Variants in NYAP2 observed in about 807,000 individuals in gnomAD.
NYAP2 encodes the protein neuronal tyrosine-phosphorylated phosphoinositide-3-kinase adapter 2.
A neutral mutation model predicts 50.4 loss-of-function variants in NYAP2; 23 were observed. That is an observed-to-expected ratio of 0.46 (90% CI 0.33 to 0.65). NYAP2 has a LOEUF of 0.65. Ranked by LOEUF, NYAP2 falls within the 30% of genes least tolerant of loss-of-function variation. NYAP2 has a pLI of 0.02. For synonymous variants in NYAP2, 394 were observed against 365.2 expected (o/e 1.08, Z -0.90); for missense variants, 885 against 861.0 (o/e 1.03, Z -0.35).
intron 3 of NYAP2, among the ~76,000 whole-genome samples, chr2:225,445,307 A>G (rs1689535510): frequency 6.6e-6 from 1 of 152,092 alleles, no homozygotes; most frequent in Admixed American, 6.6e-5. Flanking sequence ...TACTTTTCCT[A>G]AAGTTTTTTA....
At chr2:225,429,007 CA>C (rs942716589) in intron 3 of NYAP2, among the ~76,000 whole-genome samples, 6 of 152,056 alleles carry the variant, frequency 3.9e-5, no homozygotes, top group Non-Finnish European at 8.8e-5. Flanking sequence ...TTCCATGAGG[CA>C]GGTTCTATCA....
intron 3 of NYAP2, among the ~76,000 whole-genome samples, chr2:225,452,788 C>T (rs186877401): frequency 6.6e-6 from 1 of 152,270 alleles, no homozygotes; most frequent in African/African-American, 2.4e-5. Flanking sequence ...CACCCCACCA[C>T]ACACATGCAC....
the NYAP2 span, among the ~76,000 whole-genome samples, chr2:225,661,285 AAT>A: frequency 6.6e-6 from 1 of 152,198 alleles, no homozygotes; most frequent in Non-Finnish European, 1.5e-5. Context: ...CAGAATAATA[AAT>A]ATGTCTTTGC....
At chr2:225,435,765 C>G (rs1689365676) in intron 3 of NYAP2, among the ~76,000 whole-genome samples, 1 of 152,170 alleles carries the variant, frequency 6.6e-6, no homozygotes, top group African/African-American at 2.4e-5. Context: ...AATGCAAACA[C>G]AAGCATCCAC....
intron 3 of NYAP2, among the ~76,000 whole-genome samples, chr2:225,498,246 A>C (rs1690541902): frequency 6.6e-6 from 1 of 152,144 alleles, no homozygotes; most frequent in Admixed American, 6.5e-5. Flanking sequence ...GCTGTAATAT[A>C]AGGCAAATAG....
chr2:225,620,496 C>T (rs565306543), intron 5 of NYAP2, among the ~76,000 whole-genome samples: 8 of 150,588 alleles, frequency 5.3e-5, no homozygotes, highest in East Asian at 1.9e-4. Flanking sequence ...CGCACACACA[C>T]GCACGCACAC....
intron 6 of NYAP2, among the ~76,000 whole-genome samples, chr2:225,628,593 G>A (rs1243343199): frequency 6.6e-6 from 1 of 152,078 alleles, no homozygotes; most frequent in Non-Finnish European, 1.5e-5. Flanking sequence ...AAAGTGCTAG[G>A]ATTACAGGCT....
intron 5 of NYAP2, among the ~76,000 whole-genome samples, chr2:225,593,739 A>G (rs180797695): frequency 1.2e-4 from 19 of 152,286 alleles, no homozygotes; most frequent in African/African-American, 4.3e-4. Flanking sequence ...TTGGTACATG[A>G]TAAGTATTTA....
At chr2:225,517,530 G>A (rs1038125771) in intron 4 of NYAP2, among the ~76,000 whole-genome samples, 16 of 152,148 alleles carry the variant, frequency 1.1e-4, no homozygotes, top group African/African-American at 3.9e-4. Flanking sequence ...GTGATCCAAT[G>A]GGACTGTTTC....
chr2:225,548,905 C>T (rs1288559195), intron 4 of NYAP2, among the ~76,000 whole-genome samples: 2 of 138,272 alleles, frequency 1.4e-5, no homozygotes, highest in Non-Finnish European at 3.1e-5. Context: ...TTTTTTGAGG[C>T]AGGGTCTTGC....
At chr2:225,570,750 A>G (rs1281426517) in intron 4 of NYAP2, among the ~76,000 whole-genome samples, 1 of 152,070 alleles carries the variant, frequency 6.6e-6, no homozygotes, top group Non-Finnish European at 1.5e-5. Flanking sequence ...GCCCCTCCCA[A>G]ATCTCATGTC....
chr2:225,432,893 G>T (rs1689292226), intron 3 of NYAP2, among the ~76,000 whole-genome samples: 1 of 152,138 alleles, frequency 6.6e-6, no homozygotes. Flanking sequence ...TAGCGGTCAA[G>T]TAGGGGGAAG....
Position 225,402,861 on chromosome 2 carries a change from T to C in NYAP2, c.-18+1818T>C, listed in dbSNP as rs892076737. 3.9e-5 allele frequency among the ~76,000 whole-genome samples: 6 copies of C among 152,002 alleles called. No individual in the cohort carries two copies. The South Asian group carries it at 1.2e-3, about 32-fold the overall frequency. ...TATAGGAGTAATGCTTGACAAATTA[T>C]AAGATTTTATCAGAAAAAAATTTTG... On this transcript the variant is annotated intron_variant, in intron 2 of 6. Coordinates refer to ENST00000636099, the Ensembl canonical transcript of NYAP2.
chr2:225,631,137 A>G (rs1354794136), intron 6 of NYAP2, among the ~76,000 whole-genome samples: 1 of 152,238 alleles, frequency 6.6e-6, no homozygotes, highest in Non-Finnish European at 1.5e-5. Context: ...AAACAGTTAG[A>G]TAGTCCATAA....
At chr2:225,436,739 CAAAA>C (rs755609110) in intron 3 of NYAP2, among the ~76,000 whole-genome samples, 4 of 109,400 alleles carry the variant, frequency 3.7e-5, no homozygotes, top group Non-Finnish European at 4.0e-5. Flanking sequence ...TCTGTATAGT[CAAAA>C]AAAAAAAAAA....
intron 2 of NYAP2, among the ~76,000 whole-genome samples, chr2:225,401,257 A>T (rs1694856755): frequency 6.6e-6 from 1 of 152,046 alleles, no homozygotes; most frequent in Non-Finnish European, 1.5e-5. Flanking sequence ...TTACCCACTT[A>T]GTTACATTAC....
chr2:225,496,061 T>C (rs1036698892), intron 3 of NYAP2, among the ~76,000 whole-genome samples: 2 of 152,136 alleles, frequency 1.3e-5, no homozygotes, highest in African/African-American at 4.8e-5. Context: ...AAATTTAAGC[T>C]GCATTTAGGA....
chr2:225,471,951 TA>T (rs1458067809), intron 3 of NYAP2, among the ~76,000 whole-genome samples: 1 of 150,088 alleles, frequency 6.7e-6, no homozygotes, highest in Non-Finnish European at 1.5e-5. Flanking sequence ...GTAAAAATGA[TA>T]ATAAGACTGT....
intron 4 of NYAP2, among the ~76,000 whole-genome samples, chr2:225,536,872 G>A (rs148910704): frequency 2.6e-5 from 4 of 151,082 alleles, no homozygotes; most frequent in South Asian, 2.1e-4. Context: ...TCCGCCTCCC[G>A]GGTTCACGCC....
Sources: gnomAD v4.1 joint callset for allele counts (sites outside exome capture counted in the v4.1 genomes callset) on GRCh38, gnomAD v4.1.1 for gene constraint, MANE v1.5 for transcripts, NCBI Gene and HGNC (gene_info 2026-07-23, HGNC 2026-07-21) for gene names.